The following BRINP3 variants were observed in gnomAD, a reference collection of about 807,000 sequenced individuals.
The protein encoded by BRINP3 is BMP/retinoic acid-inducible neural-specific protein 3.
BRINP3 carries 19 observed loss-of-function variants against 71.0 expected under a neutral mutation model. The observed-to-expected ratio is 0.27, with a 90% confidence interval of 0.19 to 0.39. BRINP3 has a LOEUF of 0.39. Among genes scored for constraint, BRINP3 ranks in the 10% least tolerant of loss-of-function variants. The pLI, the probability that BRINP3 is intolerant of heterozygous loss-of-function variation, is 1.00. For missense variants in BRINP3, 959 were observed against 940.8 expected (o/e 1.02, Z -0.25); for synonymous variants, 380 against 337.7 (o/e 1.13, Z -1.37).
At chr1:190,281,534 G>A (rs1663038032) in intron 3 of BRINP3, 26 bp downstream of exon 3, 1 of 1,603,668 alleles carries the variant, frequency 6.2e-7, no homozygotes, top group South Asian at 1.1e-5. Context: ...GCACACACAG[G>A]CACAAATAGG....
At chr1:190,158,974 G>A (rs1300375856) in intron 7 of BRINP3, among the ~76,000 whole-genome samples, 4 of 151,846 alleles carry the variant, frequency 2.6e-5, no homozygotes, top group Non-Finnish European at 5.9e-5. Flanking sequence ...AACTGATAGG[G>A]AACTTGCAAT....
chr1:190,274,432 T>C (rs569556155), intron 3 of BRINP3, among the ~76,000 whole-genome samples: 1 of 151,716 alleles, frequency 6.6e-6, no homozygotes, highest in East Asian at 1.9e-4. Flanking sequence ...CATTTGAATA[T>C]CTTACTCTGA....
At chr1:190,143,854 C>T (rs1346837968) in intron 7 of BRINP3, among the ~76,000 whole-genome samples, 1 of 152,114 alleles carries the variant, frequency 6.6e-6, no homozygotes, top group Non-Finnish European at 1.5e-5. Flanking sequence ...AATTATGAAT[C>T]CCTAGACAGA....
intron 2 of BRINP3, among the ~76,000 whole-genome samples, chr1:190,291,578 GA>G (rs1663871124): frequency 6.6e-6 from 1 of 152,054 alleles, no homozygotes; most frequent in Admixed American, 6.6e-5. Context: ...AATCATCAGG[GA>G]AATGCAAATT....
intron 7 of BRINP3, among the ~76,000 whole-genome samples, chr1:190,102,320 C>T (rs1018702085): frequency 2.0e-5 from 3 of 152,092 alleles, no homozygotes; most frequent in African/African-American, 2.4e-5. Context: ...TATCTTAAAA[C>T]TGTAAAAGAA....
intron 2 of BRINP3, among the ~76,000 whole-genome samples, chr1:190,359,533 G>C (rs922664433): frequency 2.6e-5 from 4 of 151,938 alleles, no homozygotes; most frequent in African/African-American, 9.7e-5. Flanking sequence ...TGCTAAGGTG[G>C]GATGATCTCT....
intron 2 of BRINP3, among the ~76,000 whole-genome samples, chr1:190,383,268 T>C (rs1670667999): frequency 6.6e-6 from 1 of 152,114 alleles, no homozygotes; most frequent in African/African-American, 2.4e-5. Flanking sequence ...TAAAGCCTGA[T>C]TTATTATTCA....
At chr1:190,148,360 C>T (rs1215760030) in intron 7 of BRINP3, among the ~76,000 whole-genome samples, 1 of 151,610 alleles carries the variant, frequency 6.6e-6, no homozygotes, top group Admixed American at 6.6e-5. Flanking sequence ...TTTGGGAGGC[C>T]GAGGCGGCGG....
At chr1:190,390,086 C>T (rs954261312) in intron 2 of BRINP3, among the ~76,000 whole-genome samples, 2 of 151,610 alleles carry the variant, frequency 1.3e-5, no homozygotes, top group African/African-American at 4.8e-5. Context: ...ACTACTAGAG[C>T]AGTAACTCTC....
chr1:190,457,275 C>T (rs1269010986), intron 1 of BRINP3, among the ~76,000 whole-genome samples: 2 of 152,010 alleles, frequency 1.3e-5, no homozygotes, highest in African/African-American at 4.8e-5. Context: ...AACCCTTTCT[C>T]TACTAAAAAT....
chr1:190,182,979 A>G (rs1246451393), intron 6 of BRINP3, among the ~76,000 whole-genome samples: 1 of 152,076 alleles, frequency 6.6e-6, no homozygotes, highest in Non-Finnish European at 1.5e-5. Context: ...CCTTCAAGTA[A>G]ATTATCAAAA....
chr1:190,181,715 C>T (rs934051159), intron 6 of BRINP3, among the ~76,000 whole-genome samples: 2 of 151,912 alleles, frequency 1.3e-5, no homozygotes, highest in African/African-American at 4.8e-5. Context: ...CTTAAATATT[C>T]CCTCTACATG....
chr1:190,356,083 T>C (rs970805756), intron 2 of BRINP3, among the ~76,000 whole-genome samples: 7 of 151,960 alleles, frequency 4.6e-5, no homozygotes, highest in African/African-American at 1.7e-4. Context: ...AAGAATGGTC[T>C]CCATTTAAAC....
At chr1:190,242,503 T>C (rs1371486671) in intron 4 of BRINP3, among the ~76,000 whole-genome samples, 1 of 152,108 alleles carries the variant, frequency 6.6e-6, no homozygotes, top group African/African-American at 2.4e-5. Flanking sequence ...GATAAACACA[T>C]TCAGTGCAAG....
chr1:190,281,788 T>G (rs371502827), intron 2 of BRINP3, 38 bp from the exon 3 acceptor site: 2 of 1,573,454 alleles, frequency 1.3e-6, no homozygotes, highest in South Asian at 2.3e-5. Flanking sequence ...AAATGCATAA[T>G]CTATCTGAAT....
intron 2 of BRINP3, among the ~76,000 whole-genome samples, chr1:190,327,848 A>G (rs376436278): frequency 6.6e-6 from 1 of 152,136 alleles, no homozygotes; most frequent in Admixed American, 6.6e-5. Context: ...CACAGAATAC[A>G]CATTCTTCTT....
chr1:190,311,581 T>C (rs1309317318), intron 2 of BRINP3, among the ~76,000 whole-genome samples: 2 of 151,596 alleles, frequency 1.3e-5, no homozygotes, highest in Admixed American at 6.6e-5. Context: ...ATCTGGGAAG[T>C]GATATAAACC....
chr1:190,408,146 G>C (rs1148618), intron 2 of BRINP3, among the ~76,000 whole-genome samples: 3 of 149,066 alleles, frequency 2.0e-5, no homozygotes, highest in South Asian at 2.1e-4. Flanking sequence ...CTCAACCTCC[G>C]GAGTAGCTGG....
chr1:190,170,141 TATC>T (rs1184349100), intron 6 of BRINP3, among the ~76,000 whole-genome samples: 4 of 152,162 alleles, frequency 2.6e-5, no homozygotes, highest in Non-Finnish European at 5.9e-5. Flanking sequence ...TCATAAATAT[TATC>T]ATATTCAATC....
Sources: gnomAD v4.1 joint callset for allele counts (sites outside exome capture counted in the v4.1 genomes callset) on GRCh38, gnomAD v4.1.1 for gene constraint, MANE v1.5 for transcripts, NCBI Gene and HGNC (gene_info 2026-07-23, HGNC 2026-07-21) for gene names.